The following ARID5B variants were observed in gnomAD, a reference collection of about 807,000 sequenced individuals.
The protein encoded by ARID5B is AT-rich interactive domain-containing protein 5B.
In ARID5B, 13 loss-of-function variants were observed where a neutral mutation model predicts 97.2. The ratio of observed to expected loss-of-function variants is 0.13; its 90% CI spans 0.09 to 0.21. The LOEUF is 0.21. Among genes scored for constraint, ARID5B ranks in the 10% least tolerant of loss-of-function variants. The probability of loss-of-function intolerance (pLI) is 1.00; values close to 1 mark genes in which losing one functional copy is unlikely to be tolerated. For synonymous variants in ARID5B, 556 were observed against 570.3 expected (o/e 0.97, Z 0.36); for missense variants, 1,210 against 1,465.3 (o/e 0.83, Z 2.84).
intron 2 of ARID5B, among the ~76,000 whole-genome samples, chr10:61,931,275 C>A (rs1160188016): frequency 2.0e-5 from 3 of 152,062 alleles, no homozygotes; most frequent in African/African-American, 7.2e-5. Context: ...TTTAAAATAT[C>A]TATTAATTCA....
Position 62,060,335 on chromosome 10 carries a change from T to G in ARID5B, c.1101+1040T>G, listed in dbSNP as rs559948672. Among the ~76,000 whole-genome samples the G allele has an allele frequency of 6.8e-4, 103 of 152,340 alleles. 1 individual carries two copies. Among genetic ancestry groups the G allele is most frequent in the Middle Eastern group, 3.4e-3 (1 of 294 alleles). Reference sequence around the variant, plus strand: ...TTATGTGGTTCAGATAATCTGGTATTTTCTGTTGAGCTATCTGCTATGAAT... The same window carrying G: ...TTATGTGGTTCAGATAATCTGGTATGTTCTGTTGAGCTATCTGCTATGAAT... On this transcript the variant is annotated intron_variant, in intron 7 of 9. Transcript: ENST00000279873.
chr10:62,076,578 A>C (rs1307297515), intron 8 of ARID5B, among the ~76,000 whole-genome samples: 1 of 147,918 alleles, frequency 6.8e-6, no homozygotes, highest in East Asian at 2.0e-4. Flanking sequence ...AAAAAAAAAA[A>C]CTACATCTAT....
At chr10:62,051,231 C>G (rs762166155) in intron 5 of ARID5B, 1 of 601,444 alleles carries the variant, frequency 1.7e-6, no homozygotes, top group Non-Finnish European at 3.0e-6. Flanking sequence ...AGACTTCCTA[C>G]CTCCCAGTTT....
chr10:62,047,816 T>G (rs1839730814), intron 4 of ARID5B, among the ~76,000 whole-genome samples: 1 of 152,176 alleles, frequency 6.6e-6, no homozygotes, highest in Admixed American at 6.5e-5. Flanking sequence ...GGGACCAGAA[T>G]TTTTGCTGTC....
chr10:61,993,169 C>T lies in ARID5B; in HGVS notation c.503-6922C>T, dbSNP rs988875720. Among the ~76,000 whole-genome samples, 56 of 151,876 alleles carry T rather than the reference C, an allele frequency of 3.7e-4. 3 individuals carry two copies. Among genetic ancestry groups the T allele is most frequent in the Non-Finnish European group, 1.5e-5 (1 of 67,946 alleles). On this transcript the variant is annotated intron_variant, in intron 3 of 9. Transcript: ENST00000279873. ...CACACACGCACACACAACTGATCTT[C>T]CCTGACTCCAACTCTTCAACATCAG...
chr10:61,960,093 A>C (rs947947587), intron 3 of ARID5B, among the ~76,000 whole-genome samples: 2 of 152,134 alleles, frequency 1.3e-5, no homozygotes, highest in African/African-American at 4.8e-5. Context: ...TTCCTCTTTC[A>C]GATTGGAGGG....
intron 3 of ARID5B, among the ~76,000 whole-genome samples, chr10:61,969,685 GT>G (rs754023729): frequency 6.6e-6 from 1 of 152,162 alleles, no homozygotes; most frequent in East Asian, 1.9e-4. Flanking sequence ...AAGAGGCTTC[GT>G]TTTTTAGTGA....
chr10:62,075,841 C>G (rs1840125009), intron 8 of ARID5B, among the ~76,000 whole-genome samples: 1 of 152,192 alleles, frequency 6.6e-6, no homozygotes, highest in African/African-American at 2.4e-5. Context: ...GGGCAAGAAG[C>G]CCTCTCCTAC....
intron 3 of ARID5B, among the ~76,000 whole-genome samples, chr10:61,945,923 A>T (rs910827186): frequency 2.7e-5 from 4 of 150,758 alleles, no homozygotes; most frequent in Non-Finnish European, 5.9e-5. Flanking sequence ...TCGATAGAAA[A>T]CTATTATAAA....
In ARID5B at chr10:62,075,516, C is replaced by T. The variant is rs535420917; in HGVS notation, c.1199+5719C>T. On this transcript the variant is annotated intron_variant, in intron 8 of 9. Transcript: ENST00000279873. ...TCTACACACTCTTCCGTGTGCTGAG[C>T]AAAACACCCTCTGTGGCTTCCCATT... Among the ~76,000 whole-genome samples, 58 of 152,338 alleles carry T rather than the reference C, an allele frequency of 3.8e-4. 1 individual carries two copies. The highest frequency in any genetic ancestry group is 1.3e-3 in the African/African-American group (53 of 41,578).
In ARID5B at chr10:61,986,904, A is replaced by G. The variant is rs150044056; in HGVS notation, c.503-13187A>G. ...GACCCCCCAGGAAGTCACTGTTCTTAAGTCCATTTTACAGTTTGGGAACCC... is the reference window on the plus strand; with the variant it reads ...GACCCCCCAGGAAGTCACTGTTCTTGAGTCCATTTTACAGTTTGGGAACCC... On this transcript the variant is annotated intron_variant, in intron 3 of 9. Transcript: ENST00000279873. Among the ~76,000 whole-genome samples, 4 of 152,320 alleles carry G rather than the reference A, an allele frequency of 2.6e-5. No individual in the cohort carries two copies. In the East Asian group the frequency reaches 5.8e-4, roughly 22 times the overall value.
At chr10:62,051,191 G>A in intron 5 of ARID5B, 191 bp downstream of exon 5, 1 of 660,528 alleles carries the variant, frequency 1.5e-6, no homozygotes, top group South Asian at 1.7e-5. Context: ...GTGGGCTGGG[G>A]GAGGTAGGCA....
intron 4 of ARID5B, among the ~76,000 whole-genome samples, chr10:62,021,066 A>C (rs868227742): frequency 6.5e-4 from 87 of 133,338 alleles, no homozygotes; most frequent in African/African-American, 2.0e-3. Context: ...ATATATATAT[A>C]TATCTCAGAA....
chr10:62,006,077 C>A (rs1249305063), intron 4 of ARID5B, among the ~76,000 whole-genome samples: 1 of 152,156 alleles, frequency 6.6e-6, no homozygotes, highest in Non-Finnish European at 1.5e-5. Flanking sequence ...AAGACCTTAA[C>A]CTTCAGAGAT....
intron 3 of ARID5B, among the ~76,000 whole-genome samples, chr10:61,997,058 A>T (rs1839009250): frequency 6.6e-6 from 1 of 152,090 alleles, no homozygotes; most frequent in African/African-American, 2.4e-5. Flanking sequence ...AGAGATGCTG[A>T]GTCACTGGTT....
intron 4 of ARID5B, among the ~76,000 whole-genome samples, chr10:62,016,017 G>C (rs114519327): frequency 2.0e-5 from 3 of 152,226 alleles, no homozygotes; most frequent in Non-Finnish European, 4.4e-5. Context: ...AAGACTCAGA[G>C]GATGGTGGAG....
At chr10:62,040,233 A>G (rs1839617773) in intron 4 of ARID5B, among the ~76,000 whole-genome samples, 1 of 152,222 alleles carries the variant, frequency 6.6e-6, no homozygotes, top group South Asian at 2.1e-4. Context: ...ATGAAATAAC[A>G]TCTTCATCAG....
intron 4 of ARID5B, among the ~76,000 whole-genome samples, chr10:62,003,626 C>T (rs1003941748): frequency 3.9e-5 from 6 of 152,154 alleles, no homozygotes; most frequent in African/African-American, 1.4e-4. Context: ...GTCCTCTCTA[C>T]CTGTGGGACA....
rs151284201 is a variant in ARID5B, at chr10:62,090,014, G to T, written c.1399-848G>T. ...TCCTAAGGTCAAAGTTTATATGGCT[G>T]CATAATGCAGTAAATGAGTCGAATT... On this transcript the variant is annotated intron_variant, in intron 9 of 9. Coordinates refer to ENST00000279873, the MANE Select transcript of ARID5B (RefSeq NM_032199.3). Among the ~76,000 whole-genome samples the T allele has an allele frequency of 1.4e-4, 22 of 152,314 alleles. No individual in the cohort carries two copies. In the East Asian group the frequency reaches 4.0e-3, roughly 28 times the overall value.
Sources: gnomAD v4.1 joint callset for allele counts (sites outside exome capture counted in the v4.1 genomes callset) on GRCh38, gnomAD v4.1.1 for gene constraint, MANE v1.5 for transcripts, NCBI Gene and HGNC (gene_info 2026-07-23, HGNC 2026-07-21) for gene names.